Variants in CCDC30 observed in about 807,000 individuals in gnomAD.
CCDC30 encodes the protein coiled-coil domain-containing protein 30.
Under a neutral mutation model 100.2 loss-of-function variants are expected in CCDC30, and 70 were observed. That is an observed-to-expected ratio of 0.70 (90% CI 0.58 to 0.85). The LOEUF is 0.85. CCDC30 is among the 40% of genes least tolerant of loss of function. CCDC30 has a pLI of 0.00. For synonymous variants in CCDC30, 233 were observed against 269.5 expected (o/e 0.86, Z 1.33); for missense variants, 652 against 771.2 (o/e 0.85, Z 1.83).
intron 12 of CCDC30, among the ~76,000 whole-genome samples, chr1:42,642,188 T>C (rs1367961224): frequency 1.3e-5 from 2 of 152,000 alleles, no homozygotes; most frequent in East Asian, 1.9e-4. Flanking sequence ...ATCACGCCAC[T>C]GTATTCCAGC....
chr1:42,468,235 C>T (rs12121532), intron 1 of CCDC30, among the ~76,000 whole-genome samples: 34,080 of 152,174 alleles, frequency 0.22, 4,920 homozygotes, highest in Non-Finnish European at 0.31. Context: ...ATAAAACAAT[C>T]TATAACTGGT....
chr1:42,505,334 C>T (rs1644378253), intron 6 of CCDC30, among the ~76,000 whole-genome samples: 3 of 151,986 alleles, frequency 2.0e-5, no homozygotes, highest in African/African-American at 7.3e-5. Flanking sequence ...TTTACATTAC[C>T]CATACATTTT....
chr1:42,512,601 A>G (rs1644495332), intron 6 of CCDC30, among the ~76,000 whole-genome samples: 2 of 152,260 alleles, frequency 1.3e-5, no homozygotes, highest in South Asian at 2.1e-4. Flanking sequence ...AGGATAGGAG[A>G]CATGGCAACC....
At chr1:42,650,647 A>G (rs1015127959) in intron 15 of CCDC30, among the ~76,000 whole-genome samples, 1 of 151,624 alleles carries the variant, frequency 6.6e-6, no homozygotes, top group African/African-American at 2.4e-5. Flanking sequence ...CACATTTAAA[A>G]TTGATTTTTC....
intron 9 of CCDC30, among the ~76,000 whole-genome samples, chr1:42,587,212 C>T (rs181305361): frequency 1.3e-5 from 2 of 152,214 alleles, no homozygotes; most frequent in Admixed American, 1.3e-4. Flanking sequence ...GCCCAGGCTG[C>T]TCCTGAACTT....
At chr1:42,570,680 T>C (rs963458135) in intron 7 of CCDC30, among the ~76,000 whole-genome samples, 1 of 151,642 alleles carries the variant, frequency 6.6e-6, no homozygotes, top group African/African-American at 2.4e-5. Context: ...ATATAGTTGT[T>C]TTCCCTATTT....
intron 6 of CCDC30, among the ~76,000 whole-genome samples, chr1:42,562,530 C>G (rs937721193): frequency 6.6e-6 from 1 of 152,136 alleles, no homozygotes; most frequent in Non-Finnish European, 1.5e-5. Flanking sequence ...CAATACTATT[C>G]AGGACATAGC....
intron 10 of CCDC30, chr1:42,593,850 C>T (rs1231395111): frequency 6.6e-6 from 1 of 152,202 alleles, no homozygotes; most frequent in Non-Finnish European, 1.5e-5. Context: ...AAGTTCCTCT[C>T]ATCTGCAGAA....
intron 6 of CCDC30, among the ~76,000 whole-genome samples, chr1:42,515,392 T>C (rs187710944): frequency 1.0e-3 from 154 of 152,340 alleles, no homozygotes; most frequent in African/African-American, 3.6e-3. Context: ...GATTTTGTTA[T>C]GGTAACTAGA....
chr1:42,487,579 C>T lies in CCDC30; in HGVS notation c.170-2579C>T, dbSNP rs183920332. Among the ~76,000 whole-genome samples, 33 of 152,274 alleles carry T rather than the reference C, an allele frequency of 2.2e-4. No homozygotes were observed. The East Asian group carries it at 6.0e-3, about 28-fold the overall frequency. On this transcript the variant is annotated intron_variant, in intron 3 of 16. Coordinates refer to ENST00000668663, the Ensembl canonical transcript of CCDC30. ...GCTCTTAAAAGAGTCAAGGCATTTC[C>T]TGGCAAAAGAGATTTGAAGTGCAAG...
chr1:42,526,276 T>C (rs1245489881), intron 6 of CCDC30, among the ~76,000 whole-genome samples: 4 of 152,162 alleles, frequency 2.6e-5, no homozygotes, highest in Non-Finnish European at 4.4e-5. Context: ...TTTATAAGTA[T>C]TTTTCCACTC....
chr1:42,456,355 C>G, the CCDC30 span: 1 of 635,026 alleles, frequency 1.6e-6, no homozygotes, highest in East Asian at 2.9e-5. Context: ...GCCCACCCAG[C>G]CGGGGATCCC....
intron 1 of CCDC30, among the ~76,000 whole-genome samples, chr1:42,467,464 GA>G (rs1386797086): frequency 1.3e-5 from 2 of 152,212 alleles, no homozygotes; most frequent in Non-Finnish European, 2.9e-5. Flanking sequence ...AGAGTAGAAT[GA>G]ATAGGAAGGA....
chr1:42,559,652 TAGAGACCTACAA>T (rs1645446149), intron 6 of CCDC30, among the ~76,000 whole-genome samples: 1 of 152,124 alleles, frequency 6.6e-6, no homozygotes, highest in Admixed American at 6.5e-5. Flanking sequence ...AACAAGTTCT[TAGAGACCTACAA>T]AGAGACTTAG....
At chr1:42,507,929 TTAAC>T (rs1323211182) in intron 6 of CCDC30, among the ~76,000 whole-genome samples, 4 of 152,238 alleles carry the variant, frequency 2.6e-5, no homozygotes, top group Non-Finnish European at 4.4e-5. Flanking sequence ...TAAAGTCACA[TTAAC>T]TAAGAAGCAT....
At chr1:42,542,697 C>A (rs1645038551) in intron 6 of CCDC30, 1 of 139,446 alleles carries the variant, frequency 7.2e-6, no homozygotes, top group South Asian at 2.4e-4. Context: ...ACTACAGGCG[C>A]CCGCCACCGC....
At chr1:42,597,015 A>G (rs1646302321) in intron 10 of CCDC30, among the ~76,000 whole-genome samples, 2 of 152,020 alleles carry the variant, frequency 1.3e-5, no homozygotes, top group South Asian at 4.1e-4. Flanking sequence ...ACAGAAATGA[A>G]TACCTTGGTG....
intron 11 of CCDC30, among the ~76,000 whole-genome samples, chr1:42,627,515 C>T (rs532642852): frequency 1.3e-5 from 2 of 152,264 alleles, no homozygotes; most frequent in African/African-American, 4.8e-5. Flanking sequence ...AAAATGTCTC[C>T]AGGCCATGTC....
chr1:42,458,762 A>G (rs182099140), upstream of CCDC30, among the ~76,000 whole-genome samples: 101 of 152,334 alleles, frequency 6.6e-4, no homozygotes, highest in Admixed American at 1.6e-3. Context: ...TAACAAAGCA[A>G]CTGAACATTA....
Sources: allele counts gnomAD v4.1 joint callset (sites outside exome capture counted in the v4.1 genomes callset), GRCh38; gene constraint gnomAD v4.1.1; transcripts MANE v1.5; gene names NCBI Gene and HGNC (gene_info 2026-07-23, HGNC 2026-07-21).